The following DMC1 variants were observed in gnomAD, a reference collection of about 807,000 sequenced individuals.
DMC1 encodes meiotic recombination protein DMC1 homolog.
DMC1 carries 27 observed loss-of-function variants against 50.1 expected under a neutral mutation model. The ratio of observed to expected loss-of-function variants is 0.54; its 90% CI spans 0.40 to 0.74. DMC1 has a LOEUF of 0.74. Ranked by LOEUF, DMC1 falls within the 30% of genes least tolerant of loss-of-function variation. DMC1 has a pLI of 0.00. For missense variants in DMC1, 295 were observed against 420.2 expected (o/e 0.70, Z 2.60); for synonymous variants, 148 against 136.1 (o/e 1.09, Z -0.61).
chr22:38,559,378 A>G (rs1414142654), intron 5 of DMC1, among the ~76,000 whole-genome samples: 1 of 151,814 alleles, frequency 6.6e-6, no homozygotes, highest in East Asian at 1.9e-4. Context: ...CATGTTGGCC[A>G]GGCTGGTCTA....
chr22:38,565,148 A>G (rs2090568360), intron 4 of DMC1, among the ~76,000 whole-genome samples: 1 of 152,240 alleles, frequency 6.6e-6, no homozygotes, highest in Admixed American at 6.5e-5. Context: ...AGTGATTCCC[A>G]AAAGCTCTAC....
At position 38,566,680 on chromosome 22, in the gene DMC1, T is replaced by C; in HGVS notation, c.153A>G (p.Ile51Met). 2.5e-6 allele frequency: 4 copies of C among 1,613,836 alleles called. No individual in the cohort carries two copies. The highest frequency in any genetic ancestry group is 3.4e-6 in the Non-Finnish European group (4 of 1,179,668). Reference protein sequence around the residue: ...KSVGICTIKGIQMTTRRALCN... With the variant: ...KSVGICTIKGMQMTTRRALCN... ...ATAGAGCTCTTCTTGTTGTCATCTG[T>C]ATACCTTTGATGGTACAGATTCCTA... The change falls in exon 4 of 14, where the codon ATA becomes ATG. Residue 51 changes from isoleucine to methionine, a missense_variant. By Grantham distance (10) the Ile-to-Met change is conservative. Transcript: ENST00000216024.
At chr22:38,522,191 T>A (rs887879266) in intron 12 of DMC1, among the ~76,000 whole-genome samples, 37 of 150,992 alleles carry the variant, frequency 2.5e-4, no homozygotes, top group African/African-American at 8.7e-4. Flanking sequence ...GACCTCATGA[T>A]CTGCCCGCCT....
chr22:38,512,493 A>AT, the DMC1 span, among the ~76,000 whole-genome samples: 2 of 152,220 alleles, frequency 1.3e-5, no homozygotes, highest in South Asian at 4.1e-4. Context: ...ATAAACCTGT[A>AT]TTTTGTTTGG....
the DMC1 span, among the ~76,000 whole-genome samples, chr22:38,509,819 G>A: frequency 6.6e-6 from 1 of 151,910 alleles, no homozygotes; most frequent in Admixed American, 6.6e-5. Flanking sequence ...ACAAGCATGC[G>A]ACATGACGCT....
intron 12 of DMC1, among the ~76,000 whole-genome samples, chr22:38,530,697 T>C (rs1428227391): frequency 2.0e-5 from 3 of 152,216 alleles, no homozygotes; most frequent in African/African-American, 7.2e-5. Flanking sequence ...ACAAGGTCAC[T>C]ATGCTAGTGA....
rs960466750 is a variant in DMC1, at chr22:38,549,821, G to A, written c.494+104C>T. ...CCCTTTGGTTTGTCTCATTACTACT[G>A]GTTTATGGAATGACTACAAAGATTG... is the stretch of plus-strand genomic sequence containing the variant. On this transcript the variant is annotated intron_variant, in intron 8 of 13. Transcript: ENST00000216024. 3.5e-6 allele frequency: 3 copies of A among 851,068 alleles called. No homozygotes were observed. The East Asian group carries it at 7.8e-5, about 22-fold the overall frequency. The allele number at this position is 851,068 out of a possible 1,614,324, so 52.7% of individuals were successfully genotyped here.
intron 4 of DMC1, among the ~76,000 whole-genome samples, chr22:38,565,244 G>C (rs536550555): frequency 6.6e-6 from 1 of 151,462 alleles, no homozygotes; most frequent in South Asian, 2.1e-4. Context: ...GGCCCTGCTA[G>C]AAAGTAGTAA....
intron 11 of DMC1, 123 bp from the exon 12 acceptor site, chr22:38,537,775 A>T: frequency 1.4e-6 from 1 of 691,942 alleles, no homozygotes; most frequent in Non-Finnish European, 2.5e-6. Context: ...ATAACATCAT[A>T]TTCCTATTTT....
rs376664077 is a variant in DMC1 at position 38,570,045 on chromosome 22, C to T, written c.-36G>A. 1.3e-5 allele frequency: 2 copies of T among 152,316 alleles called. No individual in the cohort carries two copies. Among genetic ancestry groups the T allele is most frequent in the East Asian group, 1.9e-4 (1 of 5,166 alleles). The allele number at this position is 152,316 out of a possible 1,614,324, so 9.4% of individuals were successfully genotyped here. The stretch of plus-strand genomic sequence containing the variant: ...CGCTGTTCGTTTTTGCCACTTACCC[C>T]CCTCGTACCCACAGTCTCCCCGAGA... On this transcript the variant is annotated splice_region_variant and 5_prime_UTR_variant, in exon 1 of 14. Coordinates refer to ENST00000216024, the MANE Select transcript of DMC1 (RefSeq NM_007068.4).
intron 8 of DMC1, among the ~76,000 whole-genome samples, chr22:38,543,383 C>T (rs1170983671): frequency 1.3e-5 from 2 of 152,238 alleles, no homozygotes; most frequent in East Asian, 3.9e-4. Context: ...GTGCCCGCCA[C>T]CATGCCCGGC....
downstream of DMC1, among the ~76,000 whole-genome samples, chr22:38,516,683 G>T (rs1005344584): frequency 1.3e-5 from 2 of 152,136 alleles, no homozygotes; most frequent in Admixed American, 6.6e-5. Context: ...CACATGCCAT[G>T]CAGAGATCAC....
At position 38,566,694 on chromosome 22, in the gene DMC1, T is replaced by G; in HGVS notation, c.139A>C (p.Thr47Pro). 6.2e-7 allele frequency: 1 copy of G among 1,613,904 alleles called. No individual in the cohort carries two copies. The change falls in exon 4 of 14, where the codon ACC (threonine) becomes CCC (proline). Residue 47 changes from threonine (T) to proline (P), a missense_variant. Transcript: ENST00000216024. ...IKKLKSVGIC[T>P]IKGIQMTTRR... ...GTTGTCATCTGTATACCTTTGATGGTACAGATTCCTACTGATTTCAGTTTC... is the reference window on the plus strand; with the variant it reads ...GTTGTCATCTGTATACCTTTGATGGGACAGATTCCTACTGATTTCAGTTTC...
At chr22:38,569,513 T>C (rs553370694) in intron 1 of DMC1, 2 of 152,232 alleles carry the variant, frequency 1.3e-5, no homozygotes, top group South Asian at 4.2e-4. Context: ...GGGGACACTG[T>C]CCTTCAGATG....
In DMC1 at chr22:38,568,189, C is replaced by A; in HGVS notation, c.51+17G>T. The stretch of plus-strand genomic sequence containing the variant: ...AATGATCGAATGTCTATATATCTTT[C>A]AACATTTTAGTCATACCTCTTCATC... On this transcript the variant is annotated intron_variant, in intron 2 of 13. Coordinates refer to ENST00000216024, the MANE Select transcript of DMC1 (RefSeq NM_007068.4). 5 of 1,611,626 alleles carry A rather than the reference C, an allele frequency of 3.1e-6. No individual in the cohort carries two copies. Among genetic ancestry groups the A allele is most frequent in the Non-Finnish European group, 3.4e-6 (4 of 1,177,732 alleles).
chr22:38,559,093 G>A (rs532642747), intron 5 of DMC1, among the ~76,000 whole-genome samples: 23 of 152,178 alleles, frequency 1.5e-4, no homozygotes, highest in Non-Finnish European at 2.1e-4. Context: ...GCAGTGGCAC[G>A]ATCTCGGCTC....
intron 3 of DMC1, among the ~76,000 whole-genome samples, chr22:38,567,221 A>C (rs761218930): frequency 1.3e-5 from 2 of 152,184 alleles, no homozygotes; most frequent in African/African-American, 2.4e-5. Flanking sequence ...ATTAAATGTT[A>C]GGGCTACAAC....
chr22:38,566,640 G>C lies in DMC1; in HGVS notation c.193C>G (p.Leu65Val). The change falls in exon 4 of 14, where the codon CTC becomes GTC. Residue 65 changes from leucine to valine, a missense_variant. By Grantham distance (32) the Leu-to-Val change is conservative. Transcript: ENST00000216024. ...TRRALCNVKGLSEAKVDKIKE... is the reference protein window; with the variant it reads ...TRRALCNVKGVSEAKVDKIKE... ...ATCTTGTCTACTTTGGCTTCTGAGA[G>C]TCCTTTGACATTGCATAGAGCTCTT... is the stretch of plus-strand genomic sequence containing the variant. The C allele has an allele frequency of 1.2e-6, 2 of 1,614,142 alleles. No homozygotes were observed. Among genetic ancestry groups the C allele is most frequent in the Non-Finnish European group, 1.7e-6 (2 of 1,179,982 alleles).
At chr22:38,568,166 T>C (rs1467789962) in intron 2 of DMC1, 40 bp downstream of exon 2, 3 of 1,587,100 alleles carry the variant, frequency 1.9e-6, no homozygotes, top group African/African-American at 1.3e-5. Context: ...TTTTGCGGAA[T>C]GATCGAATGT....
Sources: allele counts gnomAD v4.1 joint callset (sites outside exome capture counted in the v4.1 genomes callset), GRCh38; gene constraint gnomAD v4.1.1; transcripts MANE v1.5; gene names NCBI Gene and HGNC (gene_info 2026-07-23, HGNC 2026-07-21).